The following SLC5A3 variants were observed in gnomAD, a reference collection of about 807,000 sequenced individuals.
SLC5A3 encodes solute carrier family 5 member 3.
SLC5A3 carries 10 observed loss-of-function variants against 43.2 expected under a neutral mutation model. The observed-to-expected ratio is 0.23, with a 90% CI of 0.14 to 0.39. The LOEUF (loss-of-function observed/expected upper bound fraction) is 0.39, where lower values mean the gene tolerates loss of function less well. Among genes scored for constraint, SLC5A3 ranks in the 10% least tolerant of loss-of-function variants. The pLI is 1.00. For synonymous variants in SLC5A3, 349 were observed against 322.0 expected (o/e 1.08, Z -0.90); for missense variants, 608 against 893.4 (o/e 0.68, Z 4.07).
intron 1 of SLC5A3, among the ~76,000 whole-genome samples, chr21:34,084,587 C>T (rs1390146559): frequency 6.6e-6 from 1 of 152,186 alleles, no homozygotes; most frequent in East Asian, 1.9e-4. Context: ...ATTATACACA[C>T]ACACATATGT....
In SLC5A3 at chr21:34,096,991, T is replaced by G; in HGVS notation, c.1793T>G (p.Leu598Arg). The G allele has an allele frequency of 6.2e-7, 1 of 1,614,086 alleles. No homozygotes were observed. The highest frequency in any genetic ancestry group is 1.3e-5 in the African/African-American group (1 of 75,038). The part of the protein sequence containing the change: ...NGKSEDSIKG[L>R]QPEDVNLLVT... The stretch of plus-strand genomic sequence containing the variant: ...AAATCTGAAGACAGCATTAAGGGCC[T>G]TCAGCCTGAAGATGTTAATCTGTTG... The change falls in exon 2 of 2, where the codon CTT becomes CGT. Residue 598 changes from leucine to arginine, a missense_variant. By Grantham distance (102) the Leu-to-Arg change is moderately radical. This residue lies in a region of SLC5A3 where 210 missense variants were observed against 224.8 expected (regional missense o/e 0.93). Transcript: ENST00000381151. The surrounding 1 kb of genome is among the most constrained non-coding windows in gnomAD (Gnocchi z 5.9).
intron 1 of SLC5A3, among the ~76,000 whole-genome samples, chr21:34,074,140 G>C (rs1030630862): frequency 4.0e-5 from 6 of 149,060 alleles, no homozygotes; most frequent in Admixed American, 6.7e-5. Flanking sequence ...CGCCAGTCGT[G>C]AAGCTGCCTC....
At position 34,104,357 on chromosome 21, in the gene SLC5A3, C is replaced by T. The variant is rs552109263; in HGVS notation, c.*7002C>T. The T allele has an allele frequency of 3.4e-5, 34 of 1,000,020 alleles. No homozygotes were observed. In the South Asian group the frequency reaches 1.3e-3, roughly 37 times the overall value. 61.9% of individuals were successfully genotyped at this position (1,000,020 alleles called of 1,614,324 possible). A position where few individuals can be genotyped will look rare whatever the true frequency, so the allele number is the denominator to read the frequency against. On this transcript the variant is annotated 3_prime_UTR_variant, in exon 2 of 2. Transcript: ENST00000381151. ...CGTATGTTCTTCTACTCAGCATTGC[C>T]CTTTTCCACCTCCTCACTTCACCTC... is the stretch of plus-strand genomic sequence containing the variant.
chr21:34,099,408 A>G lies in SLC5A3; in HGVS notation c.*2053A>G. The G allele has an allele frequency of 6.0e-6, 6 of 1,000,152 alleles. No homozygotes were observed. The highest frequency in any genetic ancestry group is 7.2e-6 in the Non-Finnish European group (6 of 829,898). 62.0% of individuals were successfully genotyped at this position (1,000,152 alleles called of 1,614,324 possible). A position where few individuals can be genotyped will look rare whatever the true frequency, so the allele number is the denominator to read the frequency against. ...ATGTTTTGTCCTGTTTTTTCAAAGGAACTGTTCTTCCTTTGGGACAACCTT... is the reference window on the plus strand; with the variant it reads ...ATGTTTTGTCCTGTTTTTTCAAAGGGACTGTTCTTCCTTTGGGACAACCTT... On this transcript the variant is annotated 3_prime_UTR_variant, in exon 2 of 2. Coordinates refer to ENST00000381151, the MANE Select transcript of SLC5A3 (RefSeq NM_006933.7).
Position 34,100,457 on chromosome 21 carries a change from A to T in SLC5A3, c.*3102A>T. ...TGCTTTGTCTTTAGATTAGAGAAGCATCAAGCAATAGCAATGGTGCTGTGT... is the reference window on the plus strand; with the variant it reads ...TGCTTTGTCTTTAGATTAGAGAAGCTTCAAGCAATAGCAATGGTGCTGTGT... On this transcript the variant is annotated 3_prime_UTR_variant, in exon 2 of 2. Coordinates refer to ENST00000381151, the MANE Select transcript of SLC5A3 (RefSeq NM_006933.7). 1.0e-6 allele frequency: 1 copy of T among 1,000,268 alleles called. No individual in the cohort carries two copies. The highest frequency in any genetic ancestry group is 1.2e-6 in the Non-Finnish European group (1 of 829,974). The allele number at this position is 1,000,268 out of a possible 1,614,324, so 62.0% of individuals were successfully genotyped here. A position where few individuals can be genotyped will look rare whatever the true frequency, so the allele number is the denominator to read the frequency against.
Position 34,100,923 on chromosome 21 carries a change from G to A in SLC5A3, c.*3568G>A, listed in dbSNP as rs116734196. 4.6e-4 allele frequency: 457 copies of A among 1,000,130 alleles called. 2 individuals carry two copies. The African/African-American group carries it at 7.3e-3, about 16-fold the overall frequency. 62.0% of individuals were successfully genotyped at this position (1,000,130 alleles called of 1,614,324 possible). On this transcript the variant is annotated 3_prime_UTR_variant, in exon 2 of 2. Coordinates refer to ENST00000381151, the MANE Select transcript of SLC5A3 (RefSeq NM_006933.7). ...GGTTAGGTCTTCCCTGTTCCTGCTT[G>A]GCAGTGTTAAAGCTTACAGGGTTAA... is the stretch of plus-strand genomic sequence containing the variant.
chr21:34,097,493 A>C lies in SLC5A3; in HGVS notation c.*138A>C. 7.0e-7 allele frequency: 1 copy of C among 1,428,370 alleles called. No individual in the cohort carries two copies. Among genetic ancestry groups the C allele is most frequent in the East Asian group, 2.5e-5 (1 of 40,180 alleles). 88.5% of individuals were successfully genotyped at this position (1,428,370 alleles called of 1,614,324 possible). A position where few individuals can be genotyped will look rare whatever the true frequency, so the allele number is the denominator to read the frequency against. The stretch of plus-strand genomic sequence containing the variant: ...AATTTTACTTAGCAGAAAATCATCT[A>C]ATTACAAGACTTTATTTTCCCAGAG... On this transcript the variant is annotated 3_prime_UTR_variant, in exon 2 of 2. Coordinates refer to ENST00000381151, the MANE Select transcript of SLC5A3 (RefSeq NM_006933.7).
intron 1 of SLC5A3, 21 bp downstream of exon 1, chr21:34,073,766 G>T: frequency 6.7e-7 from 1 of 1,486,190 alleles, no homozygotes; most frequent in Non-Finnish European, 9.0e-7. Context: ...TTCCCTCAGA[G>T]CCGGTCTTCC....
Position 34,087,533 on chromosome 21 carries a change from A to G in SLC5A3, c.-336-7330A>G, listed in dbSNP as rs760004460. Among the ~76,000 whole-genome samples, 149 of 152,222 alleles carry G rather than the reference A, an allele frequency of 9.8e-4. 1 individual carries two copies. Among genetic ancestry groups the G allele is most frequent in the Non-Finnish European group, 1.3e-3 (91 of 68,048 alleles). Reference sequence around the variant, plus strand: ...GACAGAAGAAACGTTTAAGTTTTATAGCGTGTTAGGTGTTGAGTACTATGG... The same window carrying G: ...GACAGAAGAAACGTTTAAGTTTTATGGCGTGTTAGGTGTTGAGTACTATGG... On this transcript the variant is annotated intron_variant, in intron 1 of 1. Transcript: ENST00000381151.
Position 34,103,761 on chromosome 21 carries a change from A to G in SLC5A3, c.*6406A>G. On this transcript the variant is annotated 3_prime_UTR_variant, in exon 2 of 2. Transcript: ENST00000381151. ...ACTGGTCCTAATGGTAAGGGACCCA[A>G]AGGAATAATCTCAATAAGTTTGTAC... 32 of 999,888 alleles carry G rather than the reference A, an allele frequency of 3.2e-5. No individual in the cohort carries two copies. Among genetic ancestry groups the G allele is most frequent in the Non-Finnish European group, 3.7e-5 (31 of 829,718 alleles). 61.9% of individuals were successfully genotyped at this position (999,888 alleles called of 1,614,324 possible). A position where few individuals can be genotyped will look rare whatever the true frequency, so the allele number is the denominator to read the frequency against.
At chr21:34,081,848 T>TA (rs938796542) in intron 1 of SLC5A3, among the ~76,000 whole-genome samples, 1 of 152,190 alleles carries the variant, frequency 6.6e-6, no homozygotes, top group Non-Finnish European at 1.5e-5. Flanking sequence ...TAAAACTTAT[T>TA]ATATCTAAGT....
At chr21:34,079,655 T>C (rs1051629540) in intron 1 of SLC5A3, among the ~76,000 whole-genome samples, 2 of 145,806 alleles carry the variant, frequency 1.4e-5, no homozygotes, top group African/African-American at 5.2e-5. Flanking sequence ...GGTTTCACCA[T>C]GTTGGCCAGG....
chr21:34,085,995 A>G (rs572860966), intron 1 of SLC5A3, among the ~76,000 whole-genome samples: 2 of 152,356 alleles, frequency 1.3e-5, no homozygotes, highest in South Asian at 4.1e-4. Context: ...TGAATTGTCA[A>G]AAGTGTCTGT....
rs1301323239 is a variant in SLC5A3, at chr21:34,098,867, TTATG to T, written c.*1519_*1522del. On this transcript the variant is annotated 3_prime_UTR_variant, in exon 2 of 2. Transcript: ENST00000381151. ...CTCCATGAAAGATGAAGGAAGCAAA[TTATG>T]TATGTACTTTCTTTGACCTTCTTTA... The T allele has an allele frequency of 5.0e-5, 50 of 999,654 alleles. No individual in the cohort carries two copies. The highest frequency in any genetic ancestry group is 5.7e-5 in the Non-Finnish European group (47 of 829,534). The allele number at this position is 999,654 out of a possible 1,614,324, so 61.9% of individuals were successfully genotyped here.
At chr21:34,079,116 C>T (rs1011270914) in intron 1 of SLC5A3, among the ~76,000 whole-genome samples, 10 of 152,158 alleles carry the variant, frequency 6.6e-5, no homozygotes, top group African/African-American at 1.9e-4. Flanking sequence ...CTGTGGCTTC[C>T]GGGCCAGATC....
rs2148662474 is a variant in SLC5A3 at position 34,104,042 on chromosome 21, A to G, written c.*6687A>G. On this transcript the variant is annotated 3_prime_UTR_variant, in exon 2 of 2. Coordinates refer to ENST00000381151, the MANE Select transcript of SLC5A3 (RefSeq NM_006933.7). Reference sequence around the variant, plus strand: ...TAACAGTGCCCCCCCAAACATGCAGAAAGTCATACTTTAACAGGGCAAATA... The same window carrying G: ...TAACAGTGCCCCCCCAAACATGCAGGAAGTCATACTTTAACAGGGCAAATA... 1.0e-6 allele frequency: 1 copy of G among 1,000,154 alleles called. No homozygotes were observed. The highest frequency in any genetic ancestry group is 1.1e-4 in the East Asian group (1 of 8,828). The allele number at this position is 1,000,154 out of a possible 1,614,324, so 62.0% of individuals were successfully genotyped here. A position where few individuals can be genotyped will look rare whatever the true frequency, so the allele number is the denominator to read the frequency against.
intron 1 of SLC5A3, among the ~76,000 whole-genome samples, chr21:34,083,109 A>G (rs749177528): frequency 1.3e-4 from 20 of 152,114 alleles, no homozygotes; most frequent in Non-Finnish European, 2.9e-4. Context: ...TTTCTCTGTA[A>G]CACCTACCCT....
In SLC5A3 at chr21:34,101,429, T is replaced by G; in HGVS notation, c.*4074T>G. The stretch of plus-strand genomic sequence containing the variant: ...CTTTGAGGCTTCAGTATTTGTAAGA[T>G]TTTGCATTAGCCAGATGCTAGGTTG... On this transcript the variant is annotated 3_prime_UTR_variant, in exon 2 of 2. Transcript: ENST00000381151. The G allele has an allele frequency of 4.0e-6, 4 of 1,000,166 alleles. No individual in the cohort carries two copies. The highest frequency in any genetic ancestry group is 4.8e-6 in the Non-Finnish European group (4 of 829,950). The allele number at this position is 1,000,166 out of a possible 1,614,324, so 62.0% of individuals were successfully genotyped here. A position where few individuals can be genotyped will look rare whatever the true frequency, so the allele number is the denominator to read the frequency against.
rs1979268864 is a variant in SLC5A3 at position 34,102,189 on chromosome 21, C to T, written c.*4834C>T. On this transcript the variant is annotated 3_prime_UTR_variant, in exon 2 of 2. Transcript: ENST00000381151. ...CTTTAGCTGTTCAGCTACTTTGACT[C>T]CTAGGAGAGAATTTAGTTAAGGTTC... The T allele has an allele frequency of 8.0e-6, 8 of 999,794 alleles. No individual in the cohort carries two copies. Among genetic ancestry groups the T allele is most frequent in the African/African-American group, 1.7e-5 (1 of 57,222 alleles). 61.9% of individuals were successfully genotyped at this position (999,794 alleles called of 1,614,324 possible). A position where few individuals can be genotyped will look rare whatever the true frequency, so the allele number is the denominator to read the frequency against.
Sources: gnomAD v4.1 joint callset for allele counts (sites outside exome capture counted in the v4.1 genomes callset) on GRCh38, gnomAD v4.1.1 for gene constraint, gnomAD v4.1.1 regional missense constraint, Gnocchi (gnomAD v3.1) non-coding constraint, MANE v1.5 for transcripts, NCBI Gene and HGNC (gene_info 2026-07-23, HGNC 2026-07-21) for gene names.